The following KLRG1 variants were observed in gnomAD, a reference collection of about 807,000 sequenced individuals.
The protein encoded by KLRG1 is killer cell lectin like receptor G1.
Under a neutral mutation model 21.8 loss-of-function variants are expected in KLRG1, and 16 were observed. The ratio of observed to expected loss-of-function variants is 0.73; its 90% CI spans 0.50 to 1.11. The LOEUF (loss-of-function observed/expected upper bound fraction) is 1.11, where lower values mean the gene tolerates loss of function less well. Among genes scored for constraint, KLRG1 ranks in the 50% most tolerant of loss-of-function variants. The probability of loss-of-function intolerance (pLI) is 0.00; values close to 1 mark genes in which losing one functional copy is unlikely to be tolerated. For synonymous variants in KLRG1, 69 were observed against 75.9 expected, an observed-to-expected ratio of 0.91 and a Z score of 0.47; for missense variants, 173 against 218.3, an observed-to-expected ratio of 0.79 and a Z score of 1.31.
chr12:8,996,357 GA>G (rs1947130038), intron 3 of KLRG1: 1 of 152,088 alleles, frequency 6.6e-6, no homozygotes, highest in African/African-American at 2.4e-5. Flanking sequence ...CATCTATAAG[GA>G]AAACAAGAAA....
At chr12:9,018,705 A>G in the KLRG1 span, among the ~76,000 whole-genome samples, 48 of 151,126 alleles carry the variant, frequency 3.2e-4, no homozygotes, top group African/African-American at 1.1e-3. Flanking sequence ...AAAGAAAGAA[A>G]GAAGGAAGGA....
At chr12:9,000,316 T>C (rs2137385268) in intron 3 of KLRG1, among the ~76,000 whole-genome samples, 1 of 152,316 alleles carries the variant, frequency 6.6e-6, no homozygotes, top group South Asian at 2.1e-4. Flanking sequence ...TTCTTTATAA[T>C]CAGATTAAGC....
the KLRG1 span, among the ~76,000 whole-genome samples, chr12:9,057,266 G>T: frequency 1.3e-5 from 2 of 152,250 alleles, no homozygotes; most frequent in South Asian, 4.1e-4. Context: ...GAAACAGGAG[G>T]TCAAATACTT....
At chr12:9,040,527 C>A in the KLRG1 span, among the ~76,000 whole-genome samples, 1 of 152,210 alleles carries the variant, frequency 6.6e-6, no homozygotes, top group Non-Finnish European at 1.5e-5. Context: ...TGTCAGCTAG[C>A]TTTTCTGTCC....
the KLRG1 span, chr12:9,074,798 A>G: frequency 3.5e-5 from 56 of 1,590,574 alleles, no homozygotes; most frequent in Non-Finnish European, 4.7e-5. Context: ...AAGATGAGAA[A>G]AAGATATTTA....
At chr12:9,054,456 A>T in the KLRG1 span, among the ~76,000 whole-genome samples, 1 of 152,166 alleles carries the variant, frequency 6.6e-6, no homozygotes, top group African/African-American at 2.4e-5. Context: ...ATGGATACAT[A>T]ATAGTTGCAT....
At chr12:9,106,724 C>T in the KLRG1 span, 42 of 465,932 alleles carry the variant, frequency 9.0e-5, no homozygotes, top group Admixed American at 4.2e-4. Flanking sequence ...TTTTCTATGA[C>T]GAGGACACAA....
the KLRG1 span, chr12:9,115,991 T>G: frequency 2.8e-6 from 2 of 715,064 alleles, no homozygotes; most frequent in South Asian, 3.0e-5. Context: ...ACACAAGATC[T>G]CTAAACAAAG....
chr12:9,171,161 T>C, the KLRG1 span, among the ~76,000 whole-genome samples: 1 of 152,196 alleles, frequency 6.6e-6, no homozygotes, highest in Admixed American at 6.5e-5. Flanking sequence ...GGCTGCCATC[T>C]TTGCTGTTTC....
At position 9,004,695 on chromosome 12, in the gene KLRG1, G is replaced by T. The variant is rs745538753; in HGVS notation, c.358-4280G>T. ...AGAGTGTTACTATGTTGTCCAGGCT[G>T]GTCCTGAACTCCTGGCCTCAAGTAA... On this transcript the variant is annotated intron_variant, in intron 3 of 4. Transcript: ENST00000356986. Among the ~76,000 whole-genome samples the T allele has an allele frequency of 6.6e-5, 10 of 152,150 alleles. No homozygotes were observed. In the East Asian group the frequency reaches 1.9e-3, roughly 29 times the overall value.
chr12:8,978,640 T>TTTTCTTTCTTTCTTTCTTTCTTTC (rs202186076), intron 1 of KLRG1, among the ~76,000 whole-genome samples: 27 of 107,904 alleles, frequency 2.5e-4, no homozygotes, highest in South Asian at 3.4e-4. Context: ...TTTTTCTTTC[T>TTTTCTTTCTTTCTTTCTTTCTTTC]TTTCTTTCTT....
upstream of KLRG1, among the ~76,000 whole-genome samples, chr12:8,986,576 CT>C (rs899154868): frequency 7.8e-4 from 113 of 145,710 alleles, no homozygotes; most frequent in Admixed American, 2.1e-3. Context: ...ATGCTCCCAT[CT>C]TTTTTTTTTT....
At chr12:9,145,167 T>A in the KLRG1 span, among the ~76,000 whole-genome samples, 1 of 152,216 alleles carries the variant, frequency 6.6e-6, no homozygotes, top group Non-Finnish European at 1.5e-5. Context: ...TCAATTTGCA[T>A]TTAAAGTAAT....
At chr12:9,025,390 A>C in the KLRG1 span, among the ~76,000 whole-genome samples, 1 of 152,206 alleles carries the variant, frequency 6.6e-6, no homozygotes, top group African/African-American at 2.4e-5. Flanking sequence ...TAATCTCAGC[A>C]CTTTGGGAGG....
At position 8,955,556 on chromosome 12, in the gene KLRG1, AT is replaced by A. The variant is rs771850463; in HGVS notation, c.-156+5329del. ...AGGAGTGTGCTACCATGCTAGGATA[AT>A]TTTTTTTTATTTTTTGTAGAGATGA... On this transcript the variant is annotated intron_variant, in intron 1 of 4. Coordinates refer to the KLRG1 transcript ENST00000539240. Among the ~76,000 whole-genome samples, 432 of 150,016 alleles carry A rather than the reference AT, an allele frequency of 2.9e-3. 5 individuals are homozygous for A. The highest frequency in any genetic ancestry group is 0.01 in the African/African-American group (422 of 40,850).
chr12:9,063,547 T>C, the KLRG1 span, among the ~76,000 whole-genome samples: 1 of 152,320 alleles, frequency 6.6e-6, no homozygotes, highest in East Asian at 1.9e-4. Context: ...CTTTTAAAAA[T>C]TCTACGTAAT....
chr12:9,180,709 C>T, the KLRG1 span, among the ~76,000 whole-genome samples: 1 of 152,184 alleles, frequency 6.6e-6, no homozygotes, highest in Non-Finnish European at 1.5e-5. Context: ...AGAAGAAAAC[C>T]TAGGCATCAC....
At chr12:9,163,843 T>TTTA in the KLRG1 span, 1 of 1,566,384 alleles carries the variant, frequency 6.4e-7, no homozygotes, top group Non-Finnish European at 8.6e-7. Flanking sequence ...TCCAATCACC[T>TTTA]TTAAGGGCTG....
the KLRG1 span, among the ~76,000 whole-genome samples, chr12:9,190,349 G>A: frequency 2.0e-5 from 3 of 152,302 alleles, no homozygotes; most frequent in East Asian, 3.9e-4. Context: ...CTTTGCAGGA[G>A]CATACATGGA....
Sources: allele counts gnomAD v4.1 joint callset (sites outside exome capture counted in the v4.1 genomes callset), GRCh38; gene constraint gnomAD v4.1.1; transcripts MANE v1.5; gene names NCBI Gene and HGNC (gene_info 2026-07-23, HGNC 2026-07-21).